HDAC9: variants seen among roughly 807,000 people sequenced by gnomAD.
The protein encoded by HDAC9 is histone deacetylase 9.
A neutral mutation model predicts 139.4 loss-of-function variants in HDAC9; 41 were observed. The observed-to-expected ratio is 0.29, with a 90% confidence interval of 0.23 to 0.38. HDAC9 has a LOEUF of 0.38. HDAC9 is among the 10% of genes least tolerant of loss of function. HDAC9 has a pLI of 1.00. For missense variants in HDAC9, 1,147 were observed against 1,297.0 expected, an observed-to-expected ratio of 0.88 and a Z score of 1.78; for synonymous variants, 517 against 476.2, an observed-to-expected ratio of 1.09 and a Z score of -1.12.
intron 12 of HDAC9, chr7:18,667,612 C>T (rs1795189402): frequency 1.0e-6 from 1 of 985,090 alleles, no homozygotes; most frequent in African/African-American, 1.7e-5. Context: ...CTGCTGTTCT[C>T]CTACAGAAAA....
chr7:18,716,304 A>G (rs1784695729), intron 12 of HDAC9, among the ~76,000 whole-genome samples: 1 of 152,230 alleles, frequency 6.6e-6, no homozygotes. Context: ...TCTACAGGCA[A>G]TTGTAAAAAT....
At chr7:18,527,407 A>C (rs1369453839) in intron 2 of HDAC9, among the ~76,000 whole-genome samples, 1 of 152,116 alleles carries the variant, frequency 6.6e-6, no homozygotes, top group Non-Finnish European at 1.5e-5. Flanking sequence ...GTTGGAAAAA[A>C]GTTTAAACAT....
chr7:18,792,437 A>T (rs1380694172), intron 16 of HDAC9, among the ~76,000 whole-genome samples: 1 of 151,854 alleles, frequency 6.6e-6, no homozygotes, highest in Non-Finnish European at 1.5e-5. Context: ...TTTTTATGTT[A>T]TGAAGTATTT....
chr7:18,753,535 C>T (rs1788625383), intron 14 of HDAC9, among the ~76,000 whole-genome samples: 1 of 152,026 alleles, frequency 6.6e-6, no homozygotes, highest in African/African-American at 2.4e-5. Context: ...GTCAGCTTTC[C>T]TCAACCAACA....
In HDAC9 at chr7:18,744,131, C is replaced by T. The variant is rs181696024; in HGVS notation, c.1910-4874C>T. ...TCAGCCTCCTGAGTAGCTGGGATTGCAGGCATATACCACCACACCTGGCTA... is the reference window on the plus strand; with the variant it reads ...TCAGCCTCCTGAGTAGCTGGGATTGTAGGCATATACCACCACACCTGGCTA... On this transcript the variant is annotated intron_variant, in intron 13 of 25. Coordinates refer to ENST00000686413, the MANE Select transcript of HDAC9 (RefSeq NM_178425.4). Among the ~76,000 whole-genome samples, 54 of 150,090 alleles carry T rather than the reference C, an allele frequency of 3.6e-4. No homozygotes were observed. The Middle Eastern group carries it at 0.011, about 30-fold the overall frequency.
intron 7 of HDAC9, among the ~76,000 whole-genome samples, chr7:18,634,092 T>A (rs1389043514): frequency 6.6e-6 from 1 of 152,140 alleles, no homozygotes; most frequent in Non-Finnish European, 1.5e-5. Context: ...GATTTTACAT[T>A]CTATTGTATT....
chr7:18,496,815 A>T (rs1797065763), intron 2 of HDAC9: 1 of 152,674 alleles, frequency 6.5e-6, no homozygotes. Flanking sequence ...TTATAAAGGT[A>T]GTTTTCTTTT....
intron 6 of HDAC9, among the ~76,000 whole-genome samples, chr7:18,617,879 A>C (rs1584187040): frequency 6.6e-6 from 1 of 152,214 alleles, no homozygotes. Context: ...AATAATTTTT[A>C]AGAATTTAAT....
intron 1 of HDAC9, among the ~76,000 whole-genome samples, chr7:18,428,416 A>G (rs1790323091): frequency 6.6e-6 from 1 of 152,190 alleles, no homozygotes. Flanking sequence ...TTACAATGCA[A>G]CAGTAAGAAA....
intron 12 of HDAC9, among the ~76,000 whole-genome samples, chr7:18,711,841 C>A (rs764862148): frequency 6.6e-6 from 1 of 152,152 alleles, no homozygotes. Context: ...GCTCAAATAG[C>A]CATTCACCAG....
intron 2 of HDAC9, among the ~76,000 whole-genome samples, chr7:18,260,883 T>C (rs1346008003): frequency 1.3e-5 from 2 of 152,180 alleles, no homozygotes; most frequent in Non-Finnish European, 2.9e-5. Context: ...AAGCTCTTAC[T>C]TTAGAAGTCA....
chr7:18,519,922 T>C (rs1371965317), intron 2 of HDAC9, among the ~76,000 whole-genome samples: 2 of 152,074 alleles, frequency 1.3e-5, no homozygotes, highest in African/African-American at 4.8e-5. Context: ...GATATTAACA[T>C]AGAAGGATGA....
chr7:18,753,074 A>T (rs1031492971), intron 14 of HDAC9, among the ~76,000 whole-genome samples: 10 of 152,132 alleles, frequency 6.6e-5, no homozygotes, highest in African/African-American at 2.4e-4. Flanking sequence ...TGAGTTTTCC[A>T]GGCATCTTTG....
chr7:18,480,055 T>C (rs1563029832), intron 1 of HDAC9, among the ~76,000 whole-genome samples: 3 of 151,872 alleles, frequency 2.0e-5, no homozygotes, highest in East Asian at 3.9e-4. Context: ...TATTTTTTTT[T>C]CCCTAGTCTG....
At chr7:18,231,628 A>T (rs1434959810) in intron 2 of HDAC9, among the ~76,000 whole-genome samples, 1 of 152,216 alleles carries the variant, frequency 6.6e-6, no homozygotes. Context: ...GTGGAATTTT[A>T]ACAGCAGTCA....
chr7:18,950,367 C>T (rs1455138397), intron 23 of HDAC9, among the ~76,000 whole-genome samples: 1 of 152,086 alleles, frequency 6.6e-6, no homozygotes, highest in Admixed American at 6.6e-5. Context: ...AAGAGCAGTT[C>T]ACCTTAGAAA....
At chr7:18,682,034 G>A (rs529698745) in intron 12 of HDAC9, among the ~76,000 whole-genome samples, 38 of 151,858 alleles carry the variant, frequency 2.5e-4, no homozygotes, top group Non-Finnish European at 4.7e-4. Flanking sequence ...TAGAATAAAA[G>A]GTTAAATTTA....
chr7:18,733,243 ATATATG>A lies in HDAC9; in HGVS notation c.1909+5492_1909+5497del, dbSNP rs573327906. Among the ~76,000 whole-genome samples the A allele has an allele frequency of 3.3e-4, 49 of 148,640 alleles. 1 individual carries two copies. The highest frequency in any genetic ancestry group is 1.1e-3 in the African/African-American group (46 of 40,760). ...CGTATATACACATATATACATGTGT[ATATATG>A]TATATAATGTATATATACACAGGTA... On this transcript the variant is annotated intron_variant, in intron 13 of 25. Transcript: ENST00000686413.
chr7:18,943,986 A>G (rs1782199667), intron 23 of HDAC9, among the ~76,000 whole-genome samples: 2 of 152,164 alleles, frequency 1.3e-5, no homozygotes, highest in African/African-American at 4.8e-5. Flanking sequence ...TTTGGTCAAG[A>G]ATTTTAATGA....
Sources: allele counts gnomAD v4.1 joint callset (sites outside exome capture counted in the v4.1 genomes callset), GRCh38; gene constraint gnomAD v4.1.1; transcripts MANE v1.5; gene names NCBI Gene and HGNC (gene_info 2026-07-23, HGNC 2026-07-21).